NUP160: variants seen among roughly 807,000 people sequenced by gnomAD.
NUP160 encodes nuclear pore complex protein Nup160.
NUP160 carries 94 observed loss-of-function variants against 196.9 expected under a neutral mutation model. The ratio of observed to expected loss-of-function variants is 0.48; its 90% confidence interval spans 0.40 to 0.57. The LOEUF is 0.57. Among genes scored for constraint, NUP160 ranks in the 20% least tolerant of loss-of-function variants. NUP160 has a pLI of 0.00. For synonymous variants in NUP160, 605 were observed against 619.7 expected, an observed-to-expected ratio of 0.98 and a Z score of 0.35; for missense variants, 1,638 against 1,748.3, an observed-to-expected ratio of 0.94 and a Z score of 1.13.
chr11:47,815,425 T>C (rs947047927), intron 13 of NUP160, 54 bp downstream of exon 13: 2 of 1,389,926 alleles, frequency 1.4e-6, no homozygotes, highest in Admixed American at 2.7e-5. Flanking sequence ...CATTTTGTTA[T>C]AACAGCCACT....
chr11:47,818,500 A>G (rs1425551671), intron 10 of NUP160, among the ~76,000 whole-genome samples: 3 of 152,228 alleles, frequency 2.0e-5, no homozygotes, highest in African/African-American at 4.8e-5. Flanking sequence ...TATGACTCAC[A>G]TGTAAAAGAA....
chr11:47,781,779 C>T (rs2135337530), intron 34 of NUP160, among the ~76,000 whole-genome samples: 1 of 152,152 alleles, frequency 6.6e-6, no homozygotes, highest in East Asian at 1.9e-4. Context: ...ACACACAATA[C>T]CATTTTGTTT....
intron 7 of NUP160, among the ~76,000 whole-genome samples, chr11:47,823,876 T>C (rs893876628): frequency 1.3e-5 from 2 of 151,628 alleles, no homozygotes; most frequent in South Asian, 2.1e-4. Context: ...TGTACGTACA[T>C]GCAACAGGTT....
chr11:47,812,227 GT>G lies in NUP160; in HGVS notation c.2081-4del, dbSNP rs747916136. The stretch of plus-strand genomic sequence containing the variant: ...CATTCGAATATTCAAAGGCTGAGCT[GT>G]AAAAAGAAGAAAAATGGAGTTGAAT... On this transcript the variant is annotated splice_region_variant and splice_polypyrimidine_tract_variant and intron_variant, in intron 16 of 35. Coordinates refer to ENST00000378460, the Ensembl canonical transcript of NUP160. The G allele has an allele frequency of 3.1e-6, 5 of 1,613,750 alleles. No homozygotes were observed. The highest frequency in any genetic ancestry group is 1.7e-5 in the Admixed American group (1 of 59,960).
chr11:47,779,122 A>G (rs766399130), exon 36 of NUP160: 141 of 1,613,468 alleles, frequency 8.7e-5, no homozygotes, highest in Non-Finnish European at 1.2e-4. Context: ...GTCCGACGAT[A>G]TAATAAATCC....
intron 31 of NUP160, among the ~76,000 whole-genome samples, chr11:47,786,755 C>T (rs2097664767): frequency 6.6e-6 from 1 of 152,104 alleles, no homozygotes; most frequent in Non-Finnish European, 1.5e-5. Flanking sequence ...AGACAATTTA[C>T]TTCCAAGATA....
intron 17 of NUP160, among the ~76,000 whole-genome samples, chr11:47,811,644 G>A (rs945184492): frequency 2.0e-5 from 3 of 152,142 alleles, no homozygotes. Flanking sequence ...CAAAGGTTAA[G>A]AGTAAAGCAA....
intron 27 of NUP160, among the ~76,000 whole-genome samples, chr11:47,793,955 A>G (rs1375500854): frequency 6.6e-6 from 1 of 151,998 alleles, no homozygotes; most frequent in Non-Finnish European, 1.5e-5. Flanking sequence ...CACTACAAGG[A>G]TGAACCTTGA....
intron 27 of NUP160, among the ~76,000 whole-genome samples, chr11:47,793,377 C>T (rs186400523): frequency 2.4e-3 from 372 of 152,212 alleles, no homozygotes; most frequent in Middle Eastern, 0.014. Context: ...GATGTAACCC[C>T]TGCCCCCCCT....
At chr11:47,831,576 G>T (rs754455732) in intron 7 of NUP160, among the ~76,000 whole-genome samples, 1 of 152,118 alleles carries the variant, frequency 6.6e-6, no homozygotes, top group African/African-American at 2.4e-5. Context: ...AGGTGCAGTG[G>T]CTCACGCCTG....
exon 23 of NUP160, chr11:47,801,930 C>G: frequency 6.2e-7 from 1 of 1,613,476 alleles, no homozygotes; most frequent in Non-Finnish European, 8.5e-7. Flanking sequence ...CATTCCAGAG[C>G]CTGGAGAAAT....
chr11:47,797,966 A>G lies in NUP160; in HGVS notation c.3183+12T>C, dbSNP rs376375680. 6.4e-7 allele frequency: 1 copy of G among 1,555,842 alleles called. No individual in the cohort carries two copies. ...TACTTGTTGAAAGCCATCACTGGAT[A>G]AGTAAAATTACCTCATTATGCAGAT... On this transcript the variant is annotated intron_variant, in intron 26 of 35. Transcript: ENST00000378460.
Position 47,779,171 on chromosome 11 carries a change from T to C in NUP160, c.4245A>G (p.Lys1415=), listed in dbSNP as rs56962998. The C allele has an allele frequency of 5.5e-3, 8,874 of 1,612,166 alleles. 113 individuals carry two copies. The highest frequency in any genetic ancestry group is 0.046 in the African/African-American group (3,460 of 74,968). The change falls in exon 36 of 36, where the codon AAA becomes AAG. Residue 1415 remains lysine, a synonymous_variant. Coordinates refer to ENST00000378460, the Ensembl canonical transcript of NUP160. ...CAACTTTTTGCTGGTAGTCCTCCAA[T>C]TTGTCAAGTATTTTCTGGGACAGCT...
exon 18 of NUP160, chr11:47,808,469 G>T (rs577593068): frequency 6.2e-7 from 1 of 1,613,900 alleles, no homozygotes; most frequent in Admixed American, 1.7e-5. Flanking sequence ...AAGAGTAGGG[G>T]AGCTGTTCGA....
In NUP160 at chr11:47,840,665, T is replaced by C. The variant is rs956548723; in HGVS notation, c.315-77A>G. ...GTTCTACTGAAATATATGAGAACAG[T>C]GTCCAAGTGAACTCACCAAATTTGA... On this transcript the variant is annotated intron_variant, in intron 2 of 35. Transcript: ENST00000378460. 4.1e-6 allele frequency: 5 copies of C among 1,213,572 alleles called. No individual in the cohort carries two copies. The African/African-American group carries it at 7.6e-5, about 18-fold the overall frequency. The allele number at this position is 1,213,572 out of a possible 1,614,324, so 75.2% of individuals were successfully genotyped here. A position where few individuals can be genotyped will look rare whatever the true frequency, so the allele number is the denominator to read the frequency against.
intron 17 of NUP160, among the ~76,000 whole-genome samples, chr11:47,810,060 T>A (rs1201037573): frequency 3.9e-5 from 6 of 151,914 alleles, no homozygotes; most frequent in Admixed American, 2.6e-4. Flanking sequence ...AGTTATAATT[T>A]AAAAAACAAA....
intron 2 of NUP160, chr11:47,841,501 G>T: frequency 4.9e-6 from 2 of 404,228 alleles, no homozygotes; most frequent in Non-Finnish European, 4.9e-6. Flanking sequence ...TCTAGATTGG[G>T]TCATGCTCAC....
At chr11:47,824,429 C>T (rs565853257) in intron 7 of NUP160, among the ~76,000 whole-genome samples, 3 of 151,532 alleles carry the variant, frequency 2.0e-5, no homozygotes, top group East Asian at 3.9e-4. Flanking sequence ...CACGGTGAAA[C>T]GCCATCTCTA....
chr11:47,791,680 C>G (rs1286288819), intron 29 of NUP160, among the ~76,000 whole-genome samples: 4 of 152,110 alleles, frequency 2.6e-5, no homozygotes, highest in Non-Finnish European at 4.4e-5. Flanking sequence ...TGTGGTTCAA[C>G]TGGGAGTTTT....
Sources: gnomAD v4.1 joint callset for allele counts (sites outside exome capture counted in the v4.1 genomes callset) on GRCh38, gnomAD v4.1.1 for gene constraint, MANE v1.5 for transcripts, NCBI Gene and HGNC (gene_info 2026-07-23, HGNC 2026-07-21) for gene names.